The following FILIP1L variants were observed in gnomAD, a reference collection of about 807,000 sequenced individuals.
FILIP1L encodes filamin A-interacting protein 1-like.
FILIP1L carries 55 observed loss-of-function variants against 96.6 expected under a neutral mutation model. That is an observed-to-expected ratio of 0.57 (90% CI 0.46 to 0.71). FILIP1L has a LOEUF of 0.71. Among genes scored for constraint, FILIP1L ranks in the 30% least tolerant of loss-of-function variants. The pLI is 0.00. For missense variants in FILIP1L, 1,304 were observed against 1,321.2 expected (o/e 0.99, Z 0.20); for synonymous variants, 467 against 473.9 (o/e 0.99, Z 0.19).
At chr3:99,876,857 T>C (rs1705551585) in intron 4 of FILIP1L, among the ~76,000 whole-genome samples, 1 of 152,246 alleles carries the variant, frequency 6.6e-6, no homozygotes, top group Admixed American at 6.5e-5. Context: ...AACTATCATT[T>C]TTTGGCAGGG....
chr3:99,976,673 CTTTATT>C (rs1401578749), intron 1 of FILIP1L, among the ~76,000 whole-genome samples: 2 of 151,858 alleles, frequency 1.3e-5, no homozygotes, highest in Non-Finnish European at 2.9e-5. Context: ...AAGATTTATT[CTTTATT>C]TTTAGTTTTC....
intron 1 of FILIP1L, among the ~76,000 whole-genome samples, chr3:100,111,246 C>G (rs1310708823): frequency 1.3e-5 from 2 of 152,092 alleles, no homozygotes; most frequent in East Asian, 3.9e-4. Flanking sequence ...TTTCCTCTAC[C>G]TGCATGTTTT....
intron 1 of FILIP1L, chr3:100,025,507 A>G (rs1344530761): frequency 1.3e-5 from 2 of 152,202 alleles, no homozygotes; most frequent in Non-Finnish European, 2.9e-5. Context: ...AATCAAAACC[A>G]TTAGGATGAA....
At chr3:99,965,803 T>C (rs1194793314) in intron 1 of FILIP1L, among the ~76,000 whole-genome samples, 1 of 152,194 alleles carries the variant, frequency 6.6e-6, no homozygotes, top group East Asian at 1.9e-4. Flanking sequence ...GAAAATGCTT[T>C]ATAAACTGCA....
intron 1 of FILIP1L, among the ~76,000 whole-genome samples, chr3:100,093,895 G>A (rs566519433): frequency 1.3e-5 from 2 of 151,928 alleles, no homozygotes; most frequent in South Asian, 2.1e-4. Flanking sequence ...CCATTTTTTG[G>A]CTATTACAAA....
At chr3:100,020,984 C>A (rs146255077) in intron 1 of FILIP1L, among the ~76,000 whole-genome samples, 1 of 152,156 alleles carries the variant, frequency 6.6e-6, no homozygotes, top group Non-Finnish European at 1.5e-5. Flanking sequence ...GCCAGATGGT[C>A]CTGATCTCTT....
intron 1 of FILIP1L, among the ~76,000 whole-genome samples, chr3:100,111,604 G>T (rs1020193984): frequency 6.6e-6 from 1 of 152,160 alleles, no homozygotes; most frequent in Non-Finnish European, 1.5e-5. Context: ...CTCTTTCAGT[G>T]TAGGCTCCAG....
At chr3:99,896,867 A>G (rs1706272051) in intron 4 of FILIP1L, among the ~76,000 whole-genome samples, 1 of 152,206 alleles carries the variant, frequency 6.6e-6, no homozygotes, top group East Asian at 1.9e-4. Flanking sequence ...AATAATTTTC[A>G]TAACAAATCA....
At chr3:99,904,925 G>A (rs1485474879) in intron 4 of FILIP1L, among the ~76,000 whole-genome samples, 2 of 152,040 alleles carry the variant, frequency 1.3e-5, no homozygotes, top group South Asian at 2.1e-4. Flanking sequence ...CACCTTCTTT[G>A]GGTCCTTGAA....
chr3:100,002,692 A>G (rs1245802146), intron 1 of FILIP1L, among the ~76,000 whole-genome samples: 3 of 152,220 alleles, frequency 2.0e-5, no homozygotes, highest in Admixed American at 2.0e-4. Flanking sequence ...CTTGAAGCTC[A>G]TCTAATTGTA....
At chr3:100,065,725 T>G (rs933801890) in intron 1 of FILIP1L, among the ~76,000 whole-genome samples, 3 of 152,246 alleles carry the variant, frequency 2.0e-5, no homozygotes, top group Non-Finnish European at 4.4e-5. Flanking sequence ...ACCTGTATTC[T>G]TGTATCTAAT....
chr3:100,012,914 C>T (rs891444989), intron 1 of FILIP1L, among the ~76,000 whole-genome samples: 1 of 151,906 alleles, frequency 6.6e-6, no homozygotes, highest in Non-Finnish European at 1.5e-5. Flanking sequence ...GCTAGGATTA[C>T]AGACTGTGCC....
chr3:99,879,773 G>T (rs539400629), intron 4 of FILIP1L, among the ~76,000 whole-genome samples: 13 of 152,218 alleles, frequency 8.5e-5, no homozygotes, highest in African/African-American at 3.1e-4. Context: ...AGTATATATG[G>T]AAACACTGTC....
At chr3:99,888,989 A>G (rs1705999795) in intron 4 of FILIP1L, among the ~76,000 whole-genome samples, 1 of 152,168 alleles carries the variant, frequency 6.6e-6, no homozygotes, top group African/African-American at 2.4e-5. Context: ...TTTGATCAGT[A>G]TGTTATCTAT....
intron 2 of FILIP1L, 100 bp downstream of exon 2, chr3:99,930,669 G>T: frequency 7.7e-7 from 1 of 1,307,174 alleles, no homozygotes; most frequent in Non-Finnish European, 1.1e-6. Context: ...GTACACACAT[G>T]TATGAACCAC....
At chr3:99,869,840 G>T (rs1944701087) in intron 4 of FILIP1L, among the ~76,000 whole-genome samples, 1 of 152,130 alleles carries the variant, frequency 6.6e-6, no homozygotes, top group Admixed American at 6.5e-5. Context: ...GGACTGGTGG[G>T]CCATGAGACA....
intron 1 of FILIP1L, among the ~76,000 whole-genome samples, chr3:99,973,328 G>C (rs1470896329): frequency 6.6e-6 from 1 of 152,180 alleles, no homozygotes; most frequent in Non-Finnish European, 1.5e-5. Flanking sequence ...TTTTCTGTGT[G>C]TGTATGCAAA....
rs141338498 is a variant in FILIP1L, at chr3:100,029,925, G to A, written c.-11+84128C>T. Reference sequence around the variant, plus strand: ...GATAAAGACCAAGAGATCTTGGAACGTTTAGAAGCAGCCCAGGTGTGACAT... The same window carrying A: ...GATAAAGACCAAGAGATCTTGGAACATTTAGAAGCAGCCCAGGTGTGACAT... On this transcript the variant is annotated intron_variant, in intron 1 of 5. Coordinates refer to ENST00000477258, the MANE Select transcript of FILIP1L (RefSeq NM_001387850.1). Among the ~76,000 whole-genome samples the A allele has an allele frequency of 3.0e-3, 453 of 152,262 alleles. 2 individuals carry two copies. The highest frequency in any genetic ancestry group is 0.01 in the African/African-American group (416 of 41,560).
chr3:100,112,449 T>C (rs2066507798), intron 1 of FILIP1L, among the ~76,000 whole-genome samples: 1 of 152,190 alleles, frequency 6.6e-6, no homozygotes, highest in East Asian at 1.9e-4. Context: ...ATAAAATATC[T>C]TCATTTCCAG....
Sources: gnomAD v4.1 joint callset for allele counts (sites outside exome capture counted in the v4.1 genomes callset) on GRCh38, gnomAD v4.1.1 for gene constraint, MANE v1.5 for transcripts, NCBI Gene and HGNC (gene_info 2026-07-23, HGNC 2026-07-21) for gene names.